ADGRL2: variants seen among roughly 807,000 people sequenced by gnomAD.
ADGRL2 encodes adhesion G protein-coupled receptor L2.
A neutral mutation model predicts 157.4 loss-of-function variants in ADGRL2; 44 were observed. The observed-to-expected ratio is 0.28, with a 90% confidence interval of 0.22 to 0.36. The LOEUF (loss-of-function observed/expected upper bound fraction) is 0.36, where lower values mean the gene tolerates loss of function less well. Among genes scored for constraint, ADGRL2 ranks in the 10% least tolerant of loss-of-function variants. The probability of loss-of-function intolerance (pLI) is 1.00; values close to 1 mark genes in which losing one functional copy is unlikely to be tolerated. For missense variants in ADGRL2, 1,510 were observed against 1,768.9 expected (o/e 0.85, Z 2.63); for synonymous variants, 585 against 624.7 (o/e 0.94, Z 0.95).
At chr1:81,590,183 C>G (rs907285847) in intron 3 of ADGRL2, among the ~76,000 whole-genome samples, 2 of 152,154 alleles carry the variant, frequency 1.3e-5, no homozygotes, top group African/African-American at 4.8e-5. Context: ...GCATCTCCGT[C>G]AGTCAATAGT....
At chr1:81,557,505 GAA>G (rs113535247) in intron 2 of ADGRL2, 1 of 98,050 alleles carries the variant, frequency 1.0e-5, no homozygotes, top group Admixed American at 1.1e-4. Flanking sequence ...AAGAAAGAAA[GAA>G]AGAAAGAAAG....
intron 1 of ADGRL2, among the ~76,000 whole-genome samples, chr1:81,331,071 A>G (rs1661236531): frequency 6.6e-6 from 1 of 152,192 alleles, no homozygotes; most frequent in Non-Finnish European, 1.5e-5. Flanking sequence ...AATGCTCTCA[A>G]TAAATATTTG....
At chr1:81,479,111 T>C (rs574295872) in intron 2 of ADGRL2, among the ~76,000 whole-genome samples, 44 of 152,324 alleles carry the variant, frequency 2.9e-4, no homozygotes, top group African/African-American at 1.0e-3. Flanking sequence ...AACCAATTTG[T>C]ATATCTCTTG....
intron 2 of ADGRL2, among the ~76,000 whole-genome samples, chr1:81,456,509 G>T (rs2077811269): frequency 1.3e-5 from 2 of 151,916 alleles, no homozygotes; most frequent in Admixed American, 6.6e-5. Context: ...AAGTGCTAGG[G>T]TTACAGGCAT....
chr1:81,433,159 G>T (rs910439892), intron 1 of ADGRL2, among the ~76,000 whole-genome samples: 2 of 152,010 alleles, frequency 1.3e-5, no homozygotes, highest in African/African-American at 4.8e-5. Context: ...ATTTGATTTT[G>T]TTACAATTAT....
At position 81,502,672 on chromosome 1, in the gene ADGRL2, A is replaced by G. The variant is rs796956845; in HGVS notation, c.-248+57583A>G. On this transcript the variant is annotated intron_variant, in intron 2 of 24. Transcript: ENST00000370721. ...TCACCCTCAGCTCAGGACGCAGTAC[A>G]TGAAGTATCTGTATGCCTATGAGTG... The G allele has an allele frequency of 1.1e-5, 17 of 1,613,852 alleles. 1 individual carries two copies. Among genetic ancestry groups the G allele is most frequent in the Middle Eastern group, 1.7e-4 (1 of 6,058 alleles).
chr1:81,563,150 A>G (rs1472738984), intron 2 of ADGRL2, among the ~76,000 whole-genome samples: 4 of 152,204 alleles, frequency 2.6e-5, no homozygotes, highest in Non-Finnish European at 5.9e-5. Context: ...CAGAAATGTG[A>G]CAGAGGAAAT....
chr1:81,471,622 C>T (rs149590411), intron 2 of ADGRL2, among the ~76,000 whole-genome samples: 308 of 152,232 alleles, frequency 2.0e-3, no homozygotes, highest in African/African-American at 7.0e-3. Context: ...CTCATCCAGG[C>T]GTAAACAGTT....
At chr1:81,616,654 T>TTTTTTC (rs1553130780) in intron 3 of ADGRL2, among the ~76,000 whole-genome samples, 46 of 104,674 alleles carry the variant, frequency 4.4e-4, no homozygotes, top group African/African-American at 1.6e-3. Context: ...GGGTTTTTTT[T>TTTTTTC]TTTTCTTTTC....
Position 81,943,841 on chromosome 1 carries a change from T to A in ADGRL2, c.1210+72T>A. 5 of 1,224,182 alleles carry A rather than the reference T, an allele frequency of 4.1e-6. No homozygotes were observed. Among genetic ancestry groups the A allele is most frequent in the Non-Finnish European group, 5.8e-6 (5 of 868,646 alleles). 75.8% of individuals were successfully genotyped at this position (1,224,182 alleles called of 1,614,324 possible). ...TTTTTCTTTTTAAAGACTTCTTAATTTTTTTTTCCTATTTTCTTCCCCTTT... is the reference window on the plus strand; with the variant it reads ...TTTTTCTTTTTAAAGACTTCTTAATATTTTTTTCCTATTTTCTTCCCCTTT... On this transcript the variant is annotated intron_variant, in intron 6 of 23. Coordinates refer to ENST00000686636, the MANE Select transcript of ADGRL2 (RefSeq NM_001366006.2). The surrounding 1 kb of genome is among the most constrained non-coding windows in gnomAD (Gnocchi z 5.6).
At chr1:81,355,829 G>T (rs1663243549) in intron 1 of ADGRL2, among the ~76,000 whole-genome samples, 1 of 152,100 alleles carries the variant, frequency 6.6e-6, no homozygotes, top group African/African-American at 2.4e-5. Flanking sequence ...AGCCAGACCT[G>T]ACCTTATCTC....
In ADGRL2 at chr1:81,591,985, A is replaced by G. The variant is rs111268269; in HGVS notation, c.-143+11005A>G. 1.9e-4 allele frequency among the ~76,000 whole-genome samples: 29 copies of G among 152,344 alleles called. 1 individual carries two copies. The highest frequency in any genetic ancestry group is 7.0e-4 in the African/African-American group (29 of 41,598). On this transcript the variant is annotated intron_variant, in intron 3 of 24. Coordinates refer to the ADGRL2 transcript ENST00000370721. The stretch of plus-strand genomic sequence containing the variant: ...CCCTGGACTCCTGACCCATAAGAAC[A>G]TGGAGATAATAAGTGTGTGTTGTTT...
At chr1:81,933,938 C>T (rs1377328464) in intron 3 of ADGRL2, among the ~76,000 whole-genome samples, 1 of 151,968 alleles carries the variant, frequency 6.6e-6, no homozygotes, top group Non-Finnish European at 1.5e-5. Flanking sequence ...TGCCATTTTT[C>T]TCAAGATTAA....
chr1:81,702,889 A>G (rs504864), intron 1 of ADGRL2, among the ~76,000 whole-genome samples: 57,198 of 151,946 alleles, frequency 0.38, 10,994 homozygotes, highest in African/African-American at 0.44. Context: ...GGGATAGGAG[A>G]GAAAGATAAT....
chr1:81,529,735 G>GCC (rs2079554211), intron 2 of ADGRL2, among the ~76,000 whole-genome samples: 1 of 152,180 alleles, frequency 6.6e-6, no homozygotes, highest in Non-Finnish European at 1.5e-5. Flanking sequence ...CACAAACAGT[G>GCC]ACTCTGACAG....
intron 3 of ADGRL2, among the ~76,000 whole-genome samples, chr1:81,685,288 G>A (rs748364393): frequency 2.6e-5 from 4 of 151,982 alleles, no homozygotes; most frequent in Non-Finnish European, 5.9e-5. Flanking sequence ...GTTTCCATTA[G>A]TTTGTGTCAT....
At chr1:81,792,558 C>A (rs2087399836) in intron 2 of ADGRL2, among the ~76,000 whole-genome samples, 1 of 151,862 alleles carries the variant, frequency 6.6e-6, no homozygotes, top group Admixed American at 6.6e-5. Flanking sequence ...ATTAATGGAA[C>A]CTTGTTATTC....
chr1:81,382,441 T>A (rs2076359484), intron 1 of ADGRL2, among the ~76,000 whole-genome samples: 1 of 152,222 alleles, frequency 6.6e-6, no homozygotes, highest in Non-Finnish European at 1.5e-5. Flanking sequence ...TAACTACTTG[T>A]TAGGCATATT....
In ADGRL2 at chr1:81,644,570, C is replaced by A. The variant is rs530693357; in HGVS notation, c.-143+63590C>A. 3.3e-5 allele frequency among the ~76,000 whole-genome samples: 5 copies of A among 152,232 alleles called. No homozygotes were observed. The East Asian group carries it at 9.6e-4, about 29-fold the overall frequency. Reference sequence around the variant, plus strand: ...AAAATGGGCCAAAGACCTTAACAGGCACCTCCCCAAAGAAGATATACAGAT... The same window carrying A: ...AAAATGGGCCAAAGACCTTAACAGGAACCTCCCCAAAGAAGATATACAGAT... On this transcript the variant is annotated intron_variant, in intron 3 of 24. Transcript: ENST00000370721.
Sources: gnomAD v4.1 joint callset for allele counts (sites outside exome capture counted in the v4.1 genomes callset) on GRCh38, gnomAD v4.1.1 for gene constraint, Gnocchi (gnomAD v3.1) non-coding constraint, MANE v1.5 for transcripts, NCBI Gene and HGNC (gene_info 2026-07-23, HGNC 2026-07-21) for gene names.